Variants in CRB1 observed in about 807,000 individuals in gnomAD.
The protein encoded by CRB1 is crumbs cell polarity complex component 1.
CRB1 carries 83 observed loss-of-function variants against 120.0 expected under a neutral mutation model. The ratio of observed to expected loss-of-function variants is 0.69; its 90% CI spans 0.58 to 0.83. CRB1 has a LOEUF of 0.83. Among genes scored for constraint, CRB1 ranks in the 40% least tolerant of loss-of-function variants. The pLI is 0.00. For synonymous variants in CRB1, 625 were observed against 612.5 expected, an observed-to-expected ratio of 1.02 and a Z score of -0.30; for missense variants, 1,699 against 1,687.6, an observed-to-expected ratio of 1.01 and a Z score of -0.12.
At chr1:197,239,388 A>G in the CRB1 span, among the ~76,000 whole-genome samples, 1 of 152,142 alleles carries the variant, frequency 6.6e-6, no homozygotes, top group Non-Finnish European at 1.5e-5. Context: ...TGCTTCATAT[A>G]TTTTGCAGTT....
chr1:197,246,272 G>A, the CRB1 span, among the ~76,000 whole-genome samples: 1 of 152,074 alleles, frequency 6.6e-6, no homozygotes, highest in African/African-American at 2.4e-5. Flanking sequence ...TTTAGCTGGA[G>A]TAGAACAGTT....
chr1:197,476,439 G>T (rs1251546224), intron 11 of CRB1, among the ~76,000 whole-genome samples: 2 of 151,384 alleles, frequency 1.3e-5, no homozygotes, highest in Non-Finnish European at 2.9e-5. Context: ...TTGAGCTCCA[G>T]ATTCCAAACT....
chr1:197,428,918 C>CT (rs1399243107), intron 7 of CRB1: 25 of 1,501,888 alleles, frequency 1.7e-5, no homozygotes, highest in Non-Finnish European at 2.2e-5. Context: ...ATTTTGAATA[C>CT]TTTTTGTGAG....
chr1:197,207,132 C>A, the CRB1 span, among the ~76,000 whole-genome samples: 1 of 152,014 alleles, frequency 6.6e-6, no homozygotes, highest in South Asian at 2.1e-4. Context: ...CTCTTGAAGA[C>A]AGCAAACACT....
chr1:197,428,055 A>T lies in CRB1; in HGVS notation c.2676+54A>T, dbSNP rs1345502827. On this transcript the variant is annotated intron_variant, in intron 7 of 11. Coordinates refer to ENST00000367400, the MANE Select transcript of CRB1 (RefSeq NM_201253.3). ...ATACTGTATGCTAAACTTTTACTTT[A>T]TTAAAAAGATAACTTATTAAAACCA... 10 of 1,506,292 alleles carry T rather than the reference A, an allele frequency of 6.6e-6. No homozygotes were observed. The East Asian group carries it at 2.3e-4, about 35-fold the overall frequency. 93.3% of individuals were successfully genotyped at this position (1,506,292 alleles called of 1,614,324 possible).
At chr1:197,321,211 T>C (rs1658171405) in intron 1 of CRB1, among the ~76,000 whole-genome samples, 1 of 152,236 alleles carries the variant, frequency 6.6e-6, no homozygotes, top group Admixed American at 6.5e-5. Flanking sequence ...ACCAAGGCCC[T>C]GCTCAGAACA....
intron 11 of CRB1, among the ~76,000 whole-genome samples, chr1:197,453,839 A>C (rs1025736183): frequency 1.4e-5 from 2 of 142,892 alleles, no homozygotes; most frequent in Non-Finnish European, 3.0e-5. Context: ...TTAATATATT[A>C]TCAATATTAT....
At chr1:197,344,229 G>T (rs1024980648) in intron 2 of CRB1, 52 bp from the exon 3 acceptor site, 7 of 1,552,798 alleles carry the variant, frequency 4.5e-6, no homozygotes, top group South Asian at 1.1e-5. Context: ...GCTAAATTAT[G>T]AACACTTTGC....
the CRB1 span, among the ~76,000 whole-genome samples, chr1:197,221,185 C>T: frequency 6.6e-6 from 1 of 152,012 alleles, no homozygotes; most frequent in East Asian, 1.9e-4. Flanking sequence ...GAGAAGAAAG[C>T]CAATGAGGAA....
Position 197,427,695 on chromosome 1 carries a change from T to A in CRB1, c.2370T>A (p.Asp790Glu). Residue 790 changes from aspartate (D) to glutamate (E), a missense_variant, in exon 7 of 12, where the codon GAT becomes GAA. Coordinates refer to ENST00000367400, the MANE Select transcript of CRB1 (RefSeq NM_201253.3). Reference protein sequence around the residue: ...PKLVVKFVLNDGNVHLISLKI... With the variant: ...PKLVVKFVLNEGNVHLISLKI... ...TAGTAGTAAAATTTGTTCTTAATGA[T>A]GGAAATGTCCACTTGATATCTTTGA... 1 of 1,613,948 alleles carries A rather than the reference T, an allele frequency of 6.2e-7. No individual in the cohort carries two copies. The highest frequency in any genetic ancestry group is 1.1e-5 in the South Asian group (1 of 91,078).
chr1:197,436,958 T>A (rs1273700975), intron 9 of CRB1, among the ~76,000 whole-genome samples: 1 of 152,198 alleles, frequency 6.6e-6, no homozygotes, highest in East Asian at 1.9e-4. Flanking sequence ...TTAGTTCTTG[T>A]AACTACCTCC....
At chr1:197,335,917 CTGCCCTCTAT>C (rs1389037613) in intron 2 of CRB1, among the ~76,000 whole-genome samples, 3 of 130,142 alleles carry the variant, frequency 2.3e-5, no homozygotes, top group African/African-American at 4.9e-5. Flanking sequence ...CTTTCTCTCT[CTGCCCTCTAT>C]TGCCCTCTGA....
At position 197,421,610 on chromosome 1, in the gene CRB1, AG is replaced by A. The variant is rs1311684692; in HGVS notation, c.1783del (p.Ala595LeufsTer26). ...DSCKEKCIAK[A>X]PTPLESDQSI... Reference sequence around the variant, plus strand: ...CCTGTAAGGAGAAATGCATCGCGAAAGCTCCTACTCCACTTGAAAGTGATCA... The same window carrying A: ...CCTGTAAGGAGAAATGCATCGCGAAACTCCTACTCCACTTGAAAGTGATCA... On this transcript the variant is annotated frameshift_variant, in exon 6 of 12. Coordinates refer to ENST00000367400, the MANE Select transcript of CRB1 (RefSeq NM_201253.3). LOFTEE classifies it high-confidence loss of function. The A allele has an allele frequency of 6.2e-7, 1 of 1,614,112 alleles. No individual in the cohort carries two copies. The highest frequency in any genetic ancestry group is 1.3e-5 in the African/African-American group (1 of 74,932).
At chr1:197,431,534 T>C (rs945149098) in intron 8 of CRB1, among the ~76,000 whole-genome samples, 1 of 152,216 alleles carries the variant, frequency 6.6e-6, no homozygotes, top group Non-Finnish European at 1.5e-5. Context: ...TCAGCTATGT[T>C]CTACCTGGTG....
At chr1:197,406,447 G>A (rs970192490) in intron 5 of CRB1, among the ~76,000 whole-genome samples, 2 of 152,150 alleles carry the variant, frequency 1.3e-5, no homozygotes, top group African/African-American at 4.8e-5. Context: ...GCGGAGGGCC[G>A]CAGGGTCCTC....
At chr1:197,465,767 T>C (rs904776384) in intron 11 of CRB1, among the ~76,000 whole-genome samples, 8 of 152,196 alleles carry the variant, frequency 5.3e-5, no homozygotes, top group Non-Finnish European at 1.2e-4. Flanking sequence ...AGTCTGATAA[T>C]TTGATGTAAA....
chr1:197,213,937 C>G, the CRB1 span, among the ~76,000 whole-genome samples: 1 of 151,928 alleles, frequency 6.6e-6, no homozygotes. Flanking sequence ...AGAAAACTCT[C>G]AAATAAACAA....
chr1:197,425,300 T>C (rs2125478707), intron 6 of CRB1, among the ~76,000 whole-genome samples: 1 of 152,324 alleles, frequency 6.6e-6, no homozygotes, highest in East Asian at 1.9e-4. Flanking sequence ...GGTCTCCAAA[T>C]GCAGATTCAA....
intron 10 of CRB1, chr1:197,441,663 T>TA: frequency 7.1e-6 from 1 of 141,322 alleles, no homozygotes; most frequent in Non-Finnish European, 1.5e-5. Flanking sequence ...CTCCTTCTTT[T>TA]TTTTTTTTTT....
Sources: allele counts gnomAD v4.1 joint callset (sites outside exome capture counted in the v4.1 genomes callset), GRCh38; gene constraint gnomAD v4.1.1; transcripts MANE v1.5; gene names NCBI Gene and HGNC (gene_info 2026-07-23, HGNC 2026-07-21).